The following SAMD5 variants were observed in gnomAD, a reference collection of about 807,000 sequenced individuals.
The protein encoded by SAMD5 is sterile alpha motif domain-containing protein 5.
Under a neutral mutation model 11.3 loss-of-function variants are expected in SAMD5, and 13 were observed. The observed-to-expected ratio is 1.15, with a 90% confidence interval of 0.75 to 1.83. The LOEUF is 1.83. Ranked by LOEUF, SAMD5 falls within the 40% of genes most tolerant of loss-of-function variation. The probability of loss-of-function intolerance (pLI) is 0.00; values close to 1 mark genes in which losing one functional copy is unlikely to be tolerated. For synonymous variants in SAMD5, 129 were observed against 111.3 expected (o/e 1.16, Z -1.00); for missense variants, 255 against 239.1 (o/e 1.07, Z -0.44).
chr6:147,612,034 A>G (rs1789796157), intron 1 of SAMD5, among the ~76,000 whole-genome samples: 1 of 152,192 alleles, frequency 6.6e-6, no homozygotes, highest in Non-Finnish European at 1.5e-5. Context: ...GCCTTTAGTC[A>G]TCTATGACTA....
chr6:147,577,035 C>T (rs1184152590), intron 1 of SAMD5, among the ~76,000 whole-genome samples: 5 of 152,212 alleles, frequency 3.3e-5, no homozygotes, highest in African/African-American at 1.2e-4. Flanking sequence ...TGATAATCCT[C>T]ATTTTTTAAA....
At chr6:147,841,284 C>T in the SAMD5 span, among the ~76,000 whole-genome samples, 2 of 152,084 alleles carry the variant, frequency 1.3e-5, no homozygotes, top group African/African-American at 4.8e-5. Context: ...GATTCAGTGC[C>T]CTGCCATTCA....
At chr6:147,752,925 G>A in the SAMD5 span, among the ~76,000 whole-genome samples, 3 of 152,326 alleles carry the variant, frequency 2.0e-5, no homozygotes, top group East Asian at 1.9e-4. Flanking sequence ...GCTACTTACT[G>A]TATACTTAAG....
chr6:147,714,581 A>G (rs901736261), intron 1 of SAMD5, among the ~76,000 whole-genome samples: 2 of 152,226 alleles, frequency 1.3e-5, no homozygotes, highest in African/African-American at 4.8e-5. Flanking sequence ...TTAGGAAAAG[A>G]TAATCCAATT....
At chr6:147,862,758 C>T in the SAMD5 span, among the ~76,000 whole-genome samples, 49,660 of 152,058 alleles carry the variant, frequency 0.33, 8,930 homozygotes, top group Middle Eastern at 0.44. Flanking sequence ...TCATAACTCC[C>T]TATTCTTGTC....
intron 1 of SAMD5, among the ~76,000 whole-genome samples, chr6:147,712,134 G>T (rs1791409287): frequency 6.6e-6 from 1 of 152,072 alleles, no homozygotes; most frequent in Non-Finnish European, 1.5e-5. Flanking sequence ...GCTAGCTAAA[G>T]CACAATACTA....
At chr6:147,613,473 C>G (rs1458965003) in intron 1 of SAMD5, among the ~76,000 whole-genome samples, 3 of 151,912 alleles carry the variant, frequency 2.0e-5, no homozygotes, top group Admixed American at 2.0e-4. Context: ...CCTAACAGTT[C>G]TCTTCCACTG....
chr6:147,633,189 C>A (rs1425281299), intron 1 of SAMD5, among the ~76,000 whole-genome samples: 1 of 152,116 alleles, frequency 6.6e-6, no homozygotes, highest in Non-Finnish European at 1.5e-5. Context: ...TCAAATACAC[C>A]AAATACAGCA....
the SAMD5 span, among the ~76,000 whole-genome samples, chr6:147,936,574 G>A: frequency 2.6e-5 from 4 of 152,024 alleles, no homozygotes; most frequent in South Asian, 2.1e-4. Flanking sequence ...TGATCCAATC[G>A]CCTCCCACCA....
chr6:147,907,128 C>T, the SAMD5 span, among the ~76,000 whole-genome samples: 1 of 152,182 alleles, frequency 6.6e-6, no homozygotes, highest in Non-Finnish European at 1.5e-5. Flanking sequence ...GTCCCCAAAT[C>T]TCTTTCAGTC....
chr6:147,800,305 C>G, the SAMD5 span, among the ~76,000 whole-genome samples: 2 of 152,174 alleles, frequency 1.3e-5, no homozygotes, highest in Non-Finnish European at 2.9e-5. Context: ...CCCTCAGCTG[C>G]AGGTCTGTTG....
intron 1 of SAMD5, among the ~76,000 whole-genome samples, chr6:147,649,355 G>C (rs1445389535): frequency 1.3e-5 from 2 of 152,062 alleles, no homozygotes; most frequent in Non-Finnish European, 2.9e-5. Context: ...CGGAATATTG[G>C]CATGTTTCAT....
chr6:147,566,823 T>A lies in SAMD5; in HGVS notation c.*2367T>A. On this transcript the variant is annotated 3_prime_UTR_variant, in exon 2 of 2. Coordinates refer to ENST00000367474, the MANE Select transcript of SAMD5 (RefSeq NM_001030060.3). ...GAATTCCTTTGCATTAAAATCAAGATGAGGTAAGAGGTAGAATATAAGAGA... is the reference window on the plus strand; with the variant it reads ...GAATTCCTTTGCATTAAAATCAAGAAGAGGTAAGAGGTAGAATATAAGAGA... 1 of 979,646 alleles carries A rather than the reference T, an allele frequency of 1.0e-6. No homozygotes were observed. The highest frequency in any genetic ancestry group is 1.2e-6 in the Non-Finnish European group (1 of 824,834). The allele number at this position is 979,646 out of a possible 1,614,324, so 60.7% of individuals were successfully genotyped here. A position where few individuals can be genotyped will look rare whatever the true frequency, so the allele number is the denominator to read the frequency against.
intron 1 of SAMD5, among the ~76,000 whole-genome samples, chr6:147,540,636 A>G (rs565216945): frequency 4.3e-4 from 65 of 152,268 alleles, no homozygotes; most frequent in African/African-American, 1.5e-3. Flanking sequence ...CCATTATAGA[A>G]CACAGAAAAG....
chr6:147,932,609 TG>T, the SAMD5 span, among the ~76,000 whole-genome samples: 1 of 149,364 alleles, frequency 6.7e-6, no homozygotes, highest in African/African-American at 2.5e-5. Context: ...TGTGTGTGTG[TG>T]TGTGTGTGTG....
At chr6:147,839,694 G>C in the SAMD5 span, among the ~76,000 whole-genome samples, 1 of 152,310 alleles carries the variant, frequency 6.6e-6, no homozygotes. Context: ...AGGTTGCAGT[G>C]AGCTGAGGTG....
chr6:147,919,544 A>T, the SAMD5 span, among the ~76,000 whole-genome samples: 3 of 152,208 alleles, frequency 2.0e-5, no homozygotes, highest in Non-Finnish European at 4.4e-5. Context: ...TGGCATTAGC[A>T]TTCAGAATAT....
chr6:147,661,344 T>G (rs534862426), intron 1 of SAMD5, among the ~76,000 whole-genome samples: 14 of 152,336 alleles, frequency 9.2e-5, no homozygotes, highest in Middle Eastern at 6.8e-3. Flanking sequence ...AAAACAGATC[T>G]GCTATCATTG....
At chr6:147,780,575 A>G in the SAMD5 span, among the ~76,000 whole-genome samples, 2 of 152,212 alleles carry the variant, frequency 1.3e-5, no homozygotes, top group African/African-American at 4.8e-5. Context: ...CATGAGTGAA[A>G]TATGGATCAG....
Sources: gnomAD v4.1 joint callset for allele counts (sites outside exome capture counted in the v4.1 genomes callset) on GRCh38, gnomAD v4.1.1 for gene constraint, MANE v1.5 for transcripts, NCBI Gene and HGNC (gene_info 2026-07-23, HGNC 2026-07-21) for gene names.